The following TRIQK variants were observed in gnomAD, a reference collection of about 807,000 sequenced individuals.
The protein encoded by TRIQK is triple QxxK/R motif-containing protein.
Under a neutral mutation model 10.8 loss-of-function variants are expected in TRIQK, and 10 were observed. The observed-to-expected ratio is 0.92, with a 90% CI of 0.57 to 1.57. The LOEUF is 1.57. Among genes scored for constraint, TRIQK ranks in the 40% most tolerant of loss-of-function variants. The pLI is 0.00. For missense variants in TRIQK, 107 were observed against 97.7 expected, an observed-to-expected ratio of 1.09 and a Z score of -0.40; for synonymous variants, 33 against 33.7, an observed-to-expected ratio of 0.98 and a Z score of 0.07.
At chr8:92,964,971 T>C (rs1174894530) in intron 1 of TRIQK, 1 of 152,152 alleles carries the variant, frequency 6.6e-6, no homozygotes, top group East Asian at 1.9e-4. Flanking sequence ...CAGAGGAAAA[T>C]AAAAGATTTT....
chr8:92,912,399 AAATT>A (rs1809618718), intron 3 of TRIQK, among the ~76,000 whole-genome samples: 1 of 151,886 alleles, frequency 6.6e-6, no homozygotes, highest in African/African-American at 2.4e-5. Flanking sequence ...CAATATAACA[AAATT>A]AATGGGATAC....
chr8:93,007,007 A>T (rs1813280559), intron 1 of TRIQK, among the ~76,000 whole-genome samples: 5 of 152,200 alleles, frequency 3.3e-5, no homozygotes, highest in African/African-American at 1.2e-4. Context: ...GGGCAGCCAG[A>T]GTGCTTCATT....
At chr8:92,962,310 T>G (rs1487229101) in intron 1 of TRIQK, among the ~76,000 whole-genome samples, 1 of 152,190 alleles carries the variant, frequency 6.6e-6, no homozygotes, top group Non-Finnish European at 1.5e-5. Flanking sequence ...GAGTCAAATC[T>G]ACTGATATCA....
chr8:92,991,366 A>G (rs1813095061), intron 1 of TRIQK, among the ~76,000 whole-genome samples: 1 of 152,224 alleles, frequency 6.6e-6, no homozygotes, highest in Non-Finnish European at 1.5e-5. Context: ...AGCTCTGAAG[A>G]GAGCAGTGGA....
intron 2 of TRIQK, among the ~76,000 whole-genome samples, chr8:92,929,881 C>G (rs1202883617): frequency 6.6e-6 from 1 of 151,922 alleles, no homozygotes; most frequent in African/African-American, 2.4e-5. Context: ...GTTAGTTAAG[C>G]TAGGATTGGT....
intron 2 of TRIQK, among the ~76,000 whole-genome samples, chr8:92,937,889 C>A (rs1437236586): frequency 6.6e-6 from 1 of 151,768 alleles, no homozygotes; most frequent in Non-Finnish European, 1.5e-5. Flanking sequence ...AGTAAAGAGT[C>A]AACATATCTT....
chr8:92,996,325 T>G (rs1477913455), intron 1 of TRIQK, among the ~76,000 whole-genome samples: 1 of 152,078 alleles, frequency 6.6e-6, no homozygotes, highest in Non-Finnish European at 1.5e-5. Context: ...AATGTTCTCA[T>G]GGCATTTTAA....
chr8:92,921,064 T>C (rs577701841), intron 2 of TRIQK, among the ~76,000 whole-genome samples: 31 of 151,882 alleles, frequency 2.0e-4, no homozygotes, highest in African/African-American at 4.3e-4. Flanking sequence ...CAATGACTCC[T>C]GTGGCTGTTT....
chr8:92,959,517 AC>A (rs1812342113), intron 1 of TRIQK, among the ~76,000 whole-genome samples: 1 of 146,348 alleles, frequency 6.8e-6, no homozygotes, highest in East Asian at 1.9e-4. Flanking sequence ...ACACACACAC[AC>A]ACACAAAATG....
chr8:92,968,458 C>A (rs560136485), upstream of TRIQK, among the ~76,000 whole-genome samples: 3 of 152,314 alleles, frequency 2.0e-5, no homozygotes, highest in South Asian at 6.2e-4. Flanking sequence ...TCCTCTCCAG[C>A]ATCTGTTGTT....
intron 1 of TRIQK, among the ~76,000 whole-genome samples, chr8:93,001,737 G>T (rs1157282222): frequency 1.3e-5 from 2 of 152,176 alleles, no homozygotes; most frequent in East Asian, 3.9e-4. Flanking sequence ...CATCCAGACA[G>T]AAAATCAATA....
chr8:92,899,283 C>T (rs1808794971), intron 3 of TRIQK, among the ~76,000 whole-genome samples: 1 of 151,884 alleles, frequency 6.6e-6, no homozygotes, highest in South Asian at 2.1e-4. Flanking sequence ...CTGCACTTGG[C>T]CTTTTTCATT....
intron 2 of TRIQK, among the ~76,000 whole-genome samples, chr8:92,928,757 T>C (rs1310377195): frequency 6.6e-6 from 1 of 152,144 alleles, no homozygotes; most frequent in Non-Finnish European, 1.5e-5. Context: ...CAAGGCCTGG[T>C]TGGGGTGGCA....
chr8:92,998,339 G>A (rs1464851031), intron 1 of TRIQK, among the ~76,000 whole-genome samples: 3 of 151,958 alleles, frequency 2.0e-5, no homozygotes, highest in African/African-American at 7.2e-5. Context: ...AAATGGAAAT[G>A]GGTTTAAGCT....
chr8:93,014,003 C>G (rs765357048), intron 1 of TRIQK, among the ~76,000 whole-genome samples: 1 of 152,042 alleles, frequency 6.6e-6, no homozygotes, highest in Non-Finnish European at 1.5e-5. Flanking sequence ...ATGCTAACAG[C>G]CAAATTGCCA....
At position 92,885,926 on chromosome 8, in the gene TRIQK, G is replaced by C. The variant is rs999166938; in HGVS notation, c.*696C>G. On this transcript the variant is annotated 3_prime_UTR_variant, in exon 5 of 5. Coordinates refer to ENST00000521988, the MANE Select transcript of TRIQK (RefSeq NM_001171797.2). ...ATAGAATTCCAAGGTTATATTAATA[G>C]AGTAATAAGTTAATTAAAACCAAGA... The C allele has an allele frequency of 2.6e-4, 39 of 151,758 alleles. No individual in the cohort carries two copies. The highest frequency in any genetic ancestry group is 9.4e-4 in the African/African-American group (39 of 41,480). 9.4% of individuals were successfully genotyped at this position (151,758 alleles called of 1,614,324 possible).
At chr8:92,890,575 T>C (rs1816710428) in intron 4 of TRIQK, among the ~76,000 whole-genome samples, 1 of 151,740 alleles carries the variant, frequency 6.6e-6, no homozygotes, top group African/African-American at 2.4e-5. Context: ...CTAACAACAA[T>C]TATAAGAGCA....
At chr8:92,964,007 G>GATCA (rs1812595728) in intron 1 of TRIQK, 1 of 152,060 alleles carries the variant, frequency 6.6e-6, no homozygotes, top group Non-Finnish European at 1.5e-5. Context: ...AGGGCATTTG[G>GATCA]GATAAAACAT....
In TRIQK at chr8:92,938,719, T is replaced by C. The variant is rs139485464; in HGVS notation, c.-22+15687A>G. On this transcript the variant is annotated intron_variant, in intron 2 of 4. Coordinates refer to ENST00000521988, the MANE Select transcript of TRIQK (RefSeq NM_001171797.2). ...GCAATTATTCACTCTGCCTTTCATT[T>C]TGGATCAATGTTACTGCAATATCTT... 1.9e-3 allele frequency among the ~76,000 whole-genome samples: 285 copies of C among 152,258 alleles called. 4 individuals are homozygous for C. Among genetic ancestry groups the C allele is most frequent in the South Asian group, 8.3e-3 (40 of 4,828 alleles).
Sources: allele counts gnomAD v4.1 joint callset (sites outside exome capture counted in the v4.1 genomes callset), GRCh38; gene constraint gnomAD v4.1.1; transcripts MANE v1.5; gene names NCBI Gene and HGNC (gene_info 2026-07-23, HGNC 2026-07-21).